LRMDA: variants seen among roughly 807,000 people sequenced by gnomAD.
LRMDA encodes the protein leucine rich melanocyte differentiation associated.
In LRMDA, 18 loss-of-function variants were observed where a neutral mutation model predicts 29.8. That is an observed-to-expected ratio of 0.60 (90% CI 0.42 to 0.90). LRMDA has a LOEUF of 0.90. Ranked by LOEUF, LRMDA falls within the 40% of genes least tolerant of loss-of-function variation. LRMDA has a pLI of 0.00. For missense variants in LRMDA, 273 were observed against 273.9 expected (o/e 1.00, Z 0.02); for synonymous variants, 125 against 109.4 (o/e 1.14, Z -0.89).
intron 2 of LRMDA, among the ~76,000 whole-genome samples, chr10:76,019,043 C>T (rs1053425435): frequency 4.6e-5 from 7 of 152,142 alleles, no homozygotes; most frequent in East Asian, 1.9e-4. Flanking sequence ...TTTTAGTTTA[C>T]GCCATTTTCC....
At chr10:75,960,954 A>G (rs1462903830) in intron 2 of LRMDA, among the ~76,000 whole-genome samples, 2 of 152,140 alleles carry the variant, frequency 1.3e-5, no homozygotes, top group African/African-American at 4.8e-5. Flanking sequence ...CTAGTCTCTA[A>G]CCTGAAAAGG....
At chr10:76,294,744 T>G (rs1415955805) in intron 5 of LRMDA, among the ~76,000 whole-genome samples, 1 of 152,206 alleles carries the variant, frequency 6.6e-6, no homozygotes, top group Non-Finnish European at 1.5e-5. Flanking sequence ...AATCTATTAT[T>G]GAAGTATGTG....
At chr10:76,382,973 C>G (rs1564526262) in intron 6 of LRMDA, among the ~76,000 whole-genome samples, 1 of 152,210 alleles carries the variant, frequency 6.6e-6, no homozygotes, top group Non-Finnish European at 1.5e-5. Flanking sequence ...CAGTTCAGCA[C>G]AGAGAAAGGA....
intron 2 of LRMDA, among the ~76,000 whole-genome samples, chr10:75,809,340 T>C (rs1167304505): frequency 6.6e-6 from 1 of 151,764 alleles, no homozygotes; most frequent in Non-Finnish European, 1.5e-5. Flanking sequence ...GAGGATGGAG[T>C]GGTCATCAAA....
chr10:75,569,223 A>G (rs1390472722), intron 2 of LRMDA, among the ~76,000 whole-genome samples: 1 of 152,162 alleles, frequency 6.6e-6, no homozygotes, highest in Non-Finnish European at 1.5e-5. Context: ...CTGAAAGCAC[A>G]TTTATTTTAA....
intron 2 of LRMDA, among the ~76,000 whole-genome samples, chr10:75,521,830 C>T (rs11001407): frequency 0.03 from 4,643 of 152,252 alleles, 224 homozygotes; most frequent in African/African-American, 0.1. Context: ...TGTTCCTATT[C>T]GGCCATCCAT....
intron 5 of LRMDA, among the ~76,000 whole-genome samples, chr10:76,163,388 A>T: frequency 6.6e-6 from 1 of 152,160 alleles, no homozygotes; most frequent in East Asian, 1.9e-4. Flanking sequence ...CCTGCTTAAC[A>T]TGAGTCCCAG....
intron 2 of LRMDA, among the ~76,000 whole-genome samples, chr10:75,891,068 G>A (rs370505538): frequency 1.3e-5 from 2 of 151,362 alleles, no homozygotes; most frequent in East Asian, 1.9e-4. Context: ...TCGCACCACC[G>A]CACTCCAGCC....
chr10:75,830,931 A>C (rs895738133), intron 2 of LRMDA, among the ~76,000 whole-genome samples: 1 of 152,232 alleles, frequency 6.6e-6, no homozygotes, highest in African/African-American at 2.4e-5. Flanking sequence ...GTTACTTCCT[A>C]GACAAAACAG....
intron 2 of LRMDA, among the ~76,000 whole-genome samples, chr10:75,674,398 G>C (rs140824265): frequency 6.6e-6 from 1 of 152,044 alleles, no homozygotes; most frequent in Admixed American, 6.5e-5. Flanking sequence ...ATGTTTGAAA[G>C]CTCCAATTTC....
rs142643085 is a variant in LRMDA, at chr10:75,987,675, G to A, written c.132-48333G>A. 3.9e-5 allele frequency among the ~76,000 whole-genome samples: 6 copies of A among 152,254 alleles called. No homozygotes were observed. In the East Asian group the frequency reaches 1.2e-3, roughly 29 times the overall value. On this transcript the variant is annotated intron_variant, in intron 2 of 6. Transcript: ENST00000611255. ...CTTCGAAGTCTTTCCAGATGGCTCT[G>A]TGTGGGCAAATCAGTGAAAATCTGT...
At chr10:75,512,593 A>T (rs1221676721) in intron 2 of LRMDA, among the ~76,000 whole-genome samples, 1 of 152,110 alleles carries the variant, frequency 6.6e-6, no homozygotes, top group African/African-American at 2.4e-5. Context: ...GAGGGCTGCG[A>T]GTGAGTCGTG....
At chr10:75,804,959 G>A (rs886401922) in intron 2 of LRMDA, among the ~76,000 whole-genome samples, 2 of 152,168 alleles carry the variant, frequency 1.3e-5, no homozygotes, top group Non-Finnish European at 2.9e-5. Context: ...GTGGCTGACA[G>A]GTGGCAAAGA....
rs1257556868 is a variant in LRMDA at position 75,572,339 on chromosome 10, C to CT, written c.131+133857dup. Among the ~76,000 whole-genome samples the CT allele has an allele frequency of 4.9e-3, 718 of 145,686 alleles. 2 individuals carry two copies. Among genetic ancestry groups the CT allele is most frequent in the Non-Finnish European group, 8.0e-3 (529 of 65,886 alleles). ...CCCTATTCCCTGTCTTCTTTTTCAG[C>CT]TTTTTTTTTTTTCTTCAGTGCAGTT... On this transcript the variant is annotated intron_variant, in intron 2 of 6. Transcript: ENST00000611255.
At chr10:76,287,499 CAG>C (rs1237717971) in intron 5 of LRMDA, among the ~76,000 whole-genome samples, 3 of 151,982 alleles carry the variant, frequency 2.0e-5, no homozygotes, top group Non-Finnish European at 2.9e-5. Flanking sequence ...AATTTGAGGA[CAG>C]AGATCCTGCA....
At chr10:75,439,873 C>G (rs550412435) in intron 2 of LRMDA, among the ~76,000 whole-genome samples, 4 of 152,098 alleles carry the variant, frequency 2.6e-5, no homozygotes, top group African/African-American at 9.7e-5. Context: ...CTTCCCAGAG[C>G]AGACTTAGGC....
In LRMDA at chr10:75,637,977, A is replaced by C. The variant is rs374715547; in HGVS notation, c.131+199483A>C. Among the ~76,000 whole-genome samples, 29 of 152,354 alleles carry C rather than the reference A, an allele frequency of 1.9e-4. No individual in the cohort carries two copies. In the South Asian group the frequency reaches 4.6e-3, roughly 24 times the overall value. ...ACTGACAAACAGCCAGAGACCCTCA[A>C]ATAACTCCCTTTAGGTCTCATCCTT... On this transcript the variant is annotated intron_variant, in intron 2 of 6. Coordinates refer to ENST00000611255, the MANE Select transcript of LRMDA (RefSeq NM_001305581.2).
At chr10:75,779,042 T>C (rs1843346933) in intron 2 of LRMDA, among the ~76,000 whole-genome samples, 1 of 152,186 alleles carries the variant, frequency 6.6e-6, no homozygotes. Context: ...TGGTATTAAA[T>C]GGTTCTTTTG....
At chr10:75,880,045 C>G (rs1462297108) in intron 2 of LRMDA, among the ~76,000 whole-genome samples, 1 of 152,134 alleles carries the variant, frequency 6.6e-6, no homozygotes, top group Non-Finnish European at 1.5e-5. Context: ...AATATTTAAG[C>G]TAATTTTATA....
Sources: allele counts gnomAD v4.1 joint callset (sites outside exome capture counted in the v4.1 genomes callset), GRCh38; gene constraint gnomAD v4.1.1; transcripts MANE v1.5; gene names NCBI Gene and HGNC (gene_info 2026-07-23, HGNC 2026-07-21).